ACTR1A: variants seen among roughly 807,000 people sequenced by gnomAD.
ACTR1A encodes the protein actin related protein 1A.
Under a neutral mutation model 50.7 loss-of-function variants are expected in ACTR1A, and 10 were observed. That is an observed-to-expected ratio of 0.20 (90% CI 0.12 to 0.33). ACTR1A has a LOEUF of 0.33. Among genes scored for constraint, ACTR1A ranks in the 10% least tolerant of loss-of-function variants. The pLI, the probability that ACTR1A is intolerant of heterozygous loss-of-function variation, is 1.00. For missense variants in ACTR1A, 253 were observed against 491.7 expected (o/e 0.51, Z 4.59); for synonymous variants, 177 against 184.2 (o/e 0.96, Z 0.32).
Position 102,481,779 on chromosome 10 carries a change from T to A in ACTR1A, c.987+58A>T, listed in dbSNP as rs2062143757. The A allele has an allele frequency of 3.8e-6, 6 of 1,591,760 alleles. No homozygotes were observed. In the South Asian group the frequency reaches 6.6e-5, roughly 18 times the overall value. On this transcript the variant is annotated intron_variant, in intron 9 of 10. Transcript: ENST00000369905. ...AAAGCTAGAGGGAAGCTACGCCAGG[T>A]GGCACTCTGTCCATGGAAGCCTAGT...
At chr10:102,494,266 A>T (rs1302263025) in intron 1 of ACTR1A, among the ~76,000 whole-genome samples, 2 of 152,188 alleles carry the variant, frequency 1.3e-5, no homozygotes, top group Non-Finnish European at 2.9e-5. Context: ...AGGCCGAGGC[A>T]CGCAAATCAC....
At chr10:102,502,066 G>A (rs1046089793) in intron 1 of ACTR1A, among the ~76,000 whole-genome samples, 4 of 152,162 alleles carry the variant, frequency 2.6e-5, no homozygotes, top group African/African-American at 9.7e-5. Context: ...CTCCACCCGC[G>A]GGCGGGCACT....
intron 1 of ACTR1A, among the ~76,000 whole-genome samples, chr10:102,492,124 G>A (rs368285642): frequency 1.5e-5 from 2 of 134,380 alleles, no homozygotes; most frequent in African/African-American, 5.7e-5. Context: ...AGGCTGGAGT[G>A]TGGTGGCACA....
chr10:102,491,121 C>T (rs149365414), intron 1 of ACTR1A, among the ~76,000 whole-genome samples: 46 of 152,172 alleles, frequency 3.0e-4, no homozygotes, highest in Admixed American at 8.5e-4. Flanking sequence ...TATACACAAC[C>T]GTATGTGTGA....
intron 1 of ACTR1A, among the ~76,000 whole-genome samples, chr10:102,495,729 AAAATAAAT>A (rs1293552459): frequency 7.4e-5 from 11 of 149,352 alleles, no homozygotes; most frequent in South Asian, 2.1e-4. Context: ...CCTCCGTCTC[AAAATAAAT>A]AAATAAATAA....
chr10:102,502,352 GC>G (rs2062261252), intron 1 of ACTR1A, among the ~76,000 whole-genome samples: 1 of 152,226 alleles, frequency 6.6e-6, no homozygotes, highest in East Asian at 1.9e-4. Context: ...AGAGCCAAGG[GC>G]CCAAGGACTG....
chr10:102,485,000 T>C (rs1225054518), intron 5 of ACTR1A, among the ~76,000 whole-genome samples: 1 of 152,238 alleles, frequency 6.6e-6, no homozygotes, highest in East Asian at 1.9e-4. Context: ...GTGCCCGACC[T>C]TCCCAGATCT....
In ACTR1A at chr10:102,479,253, A is replaced by C; in HGVS notation, c.*1610T>G. ...CTGACGTGTCTATCGGAACGACTTT[A>C]TTTCAGTACACTGGGCCCCACCAGG... is the stretch of plus-strand genomic sequence containing the variant. On this transcript the variant is annotated 3_prime_UTR_variant, in exon 11 of 11. Transcript: ENST00000369905. The surrounding 1 kb of genome is among the most constrained non-coding windows in gnomAD (Gnocchi z 4.0). 1 of 624,214 alleles carries C rather than the reference A, an allele frequency of 1.6e-6. No individual in the cohort carries two copies. Among genetic ancestry groups the C allele is most frequent in the Non-Finnish European group, 2.5e-6 (1 of 397,584 alleles). The allele number at this position is 624,214 out of a possible 1,614,324, so 38.7% of individuals were successfully genotyped here.
intron 5 of ACTR1A, among the ~76,000 whole-genome samples, chr10:102,485,296 G>A (rs1589960357): frequency 6.6e-6 from 1 of 152,178 alleles, no homozygotes. Flanking sequence ...GACACATTAC[G>A]GGGGCCTCCG....
intron 5 of ACTR1A, 50 bp downstream of exon 5, chr10:102,485,559 C>G: frequency 1.2e-6 from 2 of 1,608,784 alleles, no homozygotes; most frequent in Non-Finnish European, 1.7e-6. Context: ...CTCAGCTGTG[C>G]CAAAGGACTG....
At position 102,480,644 on chromosome 10, in the gene ACTR1A, T is replaced by C; in HGVS notation, c.*219A>G. On this transcript the variant is annotated 3_prime_UTR_variant, in exon 11 of 11. Coordinates refer to ENST00000369905, the MANE Select transcript of ACTR1A (RefSeq NM_005736.4). The stretch of plus-strand genomic sequence containing the variant: ...GCGCTCTTCCCTGTCAGGAGCCAGT[T>C]AGTGGTCAACCCCAGGCCTCAGGCC... 1 of 578,098 alleles carries C rather than the reference T, an allele frequency of 1.7e-6. No individual in the cohort carries two copies. Among genetic ancestry groups the C allele is most frequent in the South Asian group, 2.1e-5 (1 of 46,744 alleles). The allele number at this position is 578,098 out of a possible 1,614,324, so 35.8% of individuals were successfully genotyped here.
At chr10:102,500,085 T>G (rs1169849606) in intron 1 of ACTR1A, among the ~76,000 whole-genome samples, 2 of 152,172 alleles carry the variant, frequency 1.3e-5, no homozygotes, top group African/African-American at 2.4e-5. Context: ...GAATATCATC[T>G]TTTTCCACAA....
In ACTR1A at chr10:102,485,722, G is replaced by A. The variant is rs1367247090; in HGVS notation, c.327C>T (p.Leu109=). The change falls in exon 5 of 11, where the codon CTC becomes CTT. Residue 109 remains leucine, a synonymous_variant. Transcript: ENST00000369905. ...GTGGGTTTAAAGGCGCCTCAGTCAG[G>A]AGCACAGGATGCTGGTGAAAGGAGC... ...LQTFSEEHPV[L]LTEAPLNPRK... 2 of 1,614,068 alleles carry A rather than the reference G, an allele frequency of 1.2e-6. No homozygotes were observed. The highest frequency in any genetic ancestry group is 2.2e-5 in the South Asian group (2 of 91,074).
At chr10:102,492,270 C>T (rs939499758) in intron 1 of ACTR1A, among the ~76,000 whole-genome samples, 8 of 151,660 alleles carry the variant, frequency 5.3e-5, no homozygotes, top group East Asian at 1.9e-4. Flanking sequence ...GAGGGTTCAC[C>T]GTGTTGGTCA....
At chr10:102,481,594 A>G (rs1257188711) in intron 9 of ACTR1A, among the ~76,000 whole-genome samples, 1 of 152,142 alleles carries the variant, frequency 6.6e-6, no homozygotes, top group Non-Finnish European at 1.5e-5. Flanking sequence ...CCCTCTACCT[A>G]GTACCCTGCC....
chr10:102,482,166 A>T lies in ACTR1A; in HGVS notation c.760T>A (p.Ser254Thr). ...AGCAACTCAGGGGCCCGGAATCGGG[A>T]AGGACCAATCTGCAGGTAGGAGGGC... ...PDGSTIEIGP[S>T]RFRAPELLFR... Residue 254 changes from serine (S) to threonine (T), a missense_variant, in exon 8 of 11, where the codon TCC (serine) becomes ACC (threonine). By Grantham distance (58) the Ser-to-Thr change is moderately conservative. Transcript: ENST00000369905. This position sits in a 1 kb window ranked among gnomAD's most constrained non-coding sequence, Gnocchi z 5.6. 1 of 1,612,682 alleles carries T rather than the reference A, an allele frequency of 6.2e-7. No homozygotes were observed. Among genetic ancestry groups the T allele is most frequent in the Non-Finnish European group, 8.5e-7 (1 of 1,180,022 alleles).
chr10:102,497,731 T>A (rs888098019), intron 1 of ACTR1A, among the ~76,000 whole-genome samples: 2 of 152,060 alleles, frequency 1.3e-5, no homozygotes, highest in South Asian at 2.1e-4. Flanking sequence ...TGACTTATCT[T>A]CCAGAGTATA....
chr10:102,482,474 G>A lies in ACTR1A; in HGVS notation c.751-299C>T, dbSNP rs191393802. 1.6e-5 allele frequency: 7 copies of A among 430,102 alleles called. No individual in the cohort carries two copies. In the East Asian group the frequency reaches 3.3e-4, roughly 20 times the overall value. The allele number at this position is 430,102 out of a possible 1,614,324, so 26.6% of individuals were successfully genotyped here. On this transcript the variant is annotated intron_variant, in intron 7 of 10. Coordinates refer to ENST00000369905, the MANE Select transcript of ACTR1A (RefSeq NM_005736.4). This position sits in a 1 kb window ranked among gnomAD's most constrained non-coding sequence, Gnocchi z 5.6. ...GTCTTCCTAGCAATGGGGGTTCAAG[G>A]GAGTGGTAACTCACCCTACACTGCA...
chr10:102,499,697 T>C (rs1368272391), intron 1 of ACTR1A, among the ~76,000 whole-genome samples: 1 of 152,176 alleles, frequency 6.6e-6, no homozygotes, highest in Admixed American at 6.5e-5. Context: ...AAACAGGAAA[T>C]TGAATTTCTA....
Sources: allele counts gnomAD v4.1 joint callset (sites outside exome capture counted in the v4.1 genomes callset), GRCh38; gene constraint gnomAD v4.1.1; non-coding constraint Gnocchi (gnomAD v3.1); transcripts MANE v1.5; gene names NCBI Gene and HGNC (gene_info 2026-07-23, HGNC 2026-07-21).